Variants in ZNF606 observed in about 807,000 individuals in gnomAD.
ZNF606 encodes zinc finger protein 606, also known as zinc finger protein 328.
Under a neutral mutation model 74.9 loss-of-function variants are expected in ZNF606, and 37 were observed. The ratio of observed to expected loss-of-function variants is 0.49; its 90% CI spans 0.38 to 0.65. ZNF606 has a LOEUF of 0.65. Among genes scored for constraint, ZNF606 ranks in the 30% least tolerant of loss-of-function variants. The pLI is 0.00. For missense variants in ZNF606, 852 were observed against 952.9 expected (o/e 0.89, Z 1.39); for synonymous variants, 328 against 312.4 (o/e 1.05, Z -0.53).
rs1041344347 is a variant in ZNF606 at position 58,001,282 on chromosome 19, G to A, written c.31+7C>T. Reference sequence around the variant, plus strand: ...GGAGGCCCAGGAGAAACACAACTTGGACTCACCCCAGGAGGCCCACGGGTT... The same window carrying A: ...GGAGGCCCAGGAGAAACACAACTTGAACTCACCCCAGGAGGCCCACGGGTT... On this transcript the variant is annotated splice_region_variant and intron_variant, in intron 2 of 6. Transcript: ENST00000551380. 1.2e-6 allele frequency: 2 copies of A among 1,614,046 alleles called. No individual in the cohort carries two copies. Among genetic ancestry groups the A allele is most frequent in the African/African-American group, 1.3e-5 (1 of 74,998 alleles).
upstream of ZNF606, chr19:58,003,235 C>T (rs1426547375): frequency 2.2e-6 from 1 of 456,636 alleles, no homozygotes; most frequent in Non-Finnish European, 4.4e-6. Flanking sequence ...TCGAGCTACC[C>T]TTCTCTGTGA....
chr19:57,981,505 A>T lies in ZNF606; in HGVS notation c.401-1226T>A, dbSNP rs561388323. Among the ~76,000 whole-genome samples the T allele has an allele frequency of 6.6e-5, 10 of 152,328 alleles. No individual in the cohort carries two copies. The South Asian group carries it at 2.1e-3, about 32-fold the overall frequency. On this transcript the variant is annotated intron_variant, in intron 6 of 6. Coordinates refer to ENST00000551380, the MANE Select transcript of ZNF606 (RefSeq NM_001348022.3). ...CTTAACAAAAGTTAGGTAGATGAGC[A>T]CACAAGGCCTTTAGCAAGTAATATT...
chr19:57,997,217 C>T (rs372067640), intron 4 of ZNF606, among the ~76,000 whole-genome samples: 12 of 152,280 alleles, frequency 7.9e-5, no homozygotes, highest in African/African-American at 2.4e-4. Flanking sequence ...GGTTTGAATG[C>T]TTCCGTATTT....
rs1020088055 is a variant in ZNF606 at position 57,995,767 on chromosome 19, TGAG to T, written c.177+4038_177+4040del. 1.4e-4 allele frequency among the ~76,000 whole-genome samples: 21 copies of T among 152,040 alleles called. 1 individual carries two copies. The highest frequency in any genetic ancestry group is 1.3e-3 in the Admixed American group (20 of 15,276). On this transcript the variant is annotated intron_variant, in intron 4 of 6. Transcript: ENST00000551380. Reference sequence around the variant, plus strand: ...CCGGGAGGCGGAGACTGCAGTGAGCTGAGATCATGCCACTGCACTCCAGTATGG... The same window carrying T: ...CCGGGAGGCGGAGACTGCAGTGAGCTATCATGCCACTGCACTCCAGTATGG...
intron 4 of ZNF606, among the ~76,000 whole-genome samples, chr19:57,996,646 G>C (rs1222453327): frequency 6.6e-6 from 1 of 152,168 alleles, no homozygotes; most frequent in Non-Finnish European, 1.5e-5. Flanking sequence ...GAGATGAGAG[G>C]GACCCTTCAA....
At chr19:58,002,291 T>C (rs1446245464) in intron 1 of ZNF606, 105 bp downstream of exon 1, 1 of 456,706 alleles carries the variant, frequency 2.2e-6, no homozygotes, top group Admixed American at 2.3e-5. Flanking sequence ...GTCCCATCAA[T>C]GGCCTCAGAA....
intron 6 of ZNF606, among the ~76,000 whole-genome samples, chr19:57,987,585 T>C (rs1209605266): frequency 6.6e-6 from 1 of 152,078 alleles, no homozygotes; most frequent in African/African-American, 2.4e-5. Context: ...CCCAGCACTT[T>C]GGGAGCCCGA....
At chr19:57,996,040 T>G (rs1600226380) in intron 4 of ZNF606, among the ~76,000 whole-genome samples, 1 of 152,092 alleles carries the variant, frequency 6.6e-6, no homozygotes, top group South Asian at 2.1e-4. Context: ...AATTATGAAA[T>G]GTGCCAAAAT....
At chr19:57,985,274 T>C (rs2073147556) in intron 6 of ZNF606, among the ~76,000 whole-genome samples, 2 of 152,144 alleles carry the variant, frequency 1.3e-5, no homozygotes, top group South Asian at 2.1e-4. Flanking sequence ...CTTGGAAAAA[T>C]GACAGCCCCC....
intron 1 of ZNF606, 43 bp from the exon 2 acceptor site, chr19:58,001,413 C>A: frequency 6.7e-7 from 1 of 1,501,316 alleles, no homozygotes; most frequent in East Asian, 2.3e-5. Context: ...TCCTTTCTCA[C>A]AGAAGACCAA....
chr19:57,992,977 G>T lies in ZNF606; in HGVS notation c.178-4256C>A, dbSNP rs1202210160. Among the ~76,000 whole-genome samples, 7 of 152,284 alleles carry T rather than the reference G, an allele frequency of 4.6e-5. No homozygotes were observed. In the East Asian group the frequency reaches 1.2e-3, roughly 25 times the overall value. ...AGATATAATTAAGAATCTTTAGAGG[G>T]ATTACCCTGGATTATCCAGGTGGCC... On this transcript the variant is annotated intron_variant, in intron 4 of 6. Coordinates refer to ENST00000551380, the MANE Select transcript of ZNF606 (RefSeq NM_001348022.3).
At chr19:57,985,917 G>A (rs1243666859) in intron 6 of ZNF606, among the ~76,000 whole-genome samples, 1 of 151,948 alleles carries the variant, frequency 6.6e-6, no homozygotes, top group Non-Finnish European at 1.5e-5. Context: ...CTGGGCGACA[G>A]AGCAAGAGTC....
chr19:57,978,593 A>G lies in ZNF606; in HGVS notation c.2087T>C (p.Ile696Thr), dbSNP rs1568571836. ...ERSFNCSSHL[I>T]AHRRTHTGEK... The stretch of plus-strand genomic sequence containing the variant: ...TCCAGTATGAGTTCTCCGGTGTGCA[A>G]TGAGGTGAGAACTACAGTTAAAGGA... Residue 696 changes from isoleucine to threonine, a missense_variant, in exon 7 of 7, where the codon ATT (isoleucine) becomes ACT (threonine). Transcript: ENST00000551380. This position sits in a 1 kb window ranked among gnomAD's most constrained non-coding sequence, Gnocchi z 4.4. 1.9e-6 allele frequency: 3 copies of G among 1,614,066 alleles called. No homozygotes were observed. Among genetic ancestry groups the G allele is most frequent in the Non-Finnish European group, 2.5e-6 (3 of 1,180,034 alleles).
intron 6 of ZNF606, among the ~76,000 whole-genome samples, chr19:57,986,092 G>C (rs2073160027): frequency 6.6e-6 from 1 of 151,998 alleles, no homozygotes; most frequent in South Asian, 2.1e-4. Flanking sequence ...TGACAATCAA[G>C]AATTCTATAC....
chr19:58,003,251 G>A (rs968512961), upstream of ZNF606: 1 of 456,618 alleles, frequency 2.2e-6, no homozygotes, highest in Non-Finnish European at 4.4e-6. Flanking sequence ...TGTGAAGCTC[G>A]ACGGCTGAGA....
chr19:58,002,909 G>A (rs979318721), upstream of ZNF606: 1 of 445,728 alleles, frequency 2.2e-6, no homozygotes, highest in South Asian at 1.6e-5. Context: ...AGGTTCCTGG[G>A]CCGCGCCGCC....
At chr19:57,988,793 T>C (rs1368498048) in intron 4 of ZNF606, 72 bp from the exon 5 acceptor site, 8 of 1,605,078 alleles carry the variant, frequency 5.0e-6, no homozygotes, top group Non-Finnish European at 6.8e-6. Context: ...GGAGTGAGGC[T>C]GACAGCCCTG....
chr19:57,985,889 G>C (rs1453429267), intron 6 of ZNF606, among the ~76,000 whole-genome samples: 1 of 151,626 alleles, frequency 6.6e-6, no homozygotes, highest in East Asian at 1.9e-4. Flanking sequence ...AGCCAAGATC[G>C]CGCCACTGCA....
intron 4 of ZNF606, among the ~76,000 whole-genome samples, chr19:57,993,804 C>T (rs1384681225): frequency 6.6e-6 from 1 of 152,188 alleles, no homozygotes; most frequent in Non-Finnish European, 1.5e-5. Flanking sequence ...GGAAGCAGAA[C>T]TGACCAGCTG....
Sources: allele counts gnomAD v4.1 joint callset (sites outside exome capture counted in the v4.1 genomes callset), GRCh38; gene constraint gnomAD v4.1.1; non-coding constraint Gnocchi (gnomAD v3.1); transcripts MANE v1.5; gene names NCBI Gene and HGNC (gene_info 2026-07-23, HGNC 2026-07-21).